Variants in LCMT1 observed in about 807,000 individuals in gnomAD.
LCMT1 encodes leucine carboxyl methyltransferase 1, also known as [Phosphatase 2A protein]-leucine-carboxy methyltransferase 1.
Under a neutral mutation model 47.7 loss-of-function variants are expected in LCMT1, and 32 were observed. That is an observed-to-expected ratio of 0.67 (90% CI 0.51 to 0.90). LCMT1 has a LOEUF of 0.90. Among genes scored for constraint, LCMT1 ranks in the 40% least tolerant of loss-of-function variants. The probability of loss-of-function intolerance (pLI) is 0.00; values close to 1 mark genes in which losing one functional copy is unlikely to be tolerated. For missense variants in LCMT1, 375 were observed against 415.2 expected (o/e 0.90, Z 0.84); for synonymous variants, 152 against 149.7 (o/e 1.02, Z -0.11).
chr16:25,124,420 T>A (rs1258065575), intron 1 of LCMT1, among the ~76,000 whole-genome samples: 2 of 152,236 alleles, frequency 1.3e-5, no homozygotes, highest in Non-Finnish European at 2.9e-5. Flanking sequence ...TTCAGTTCTC[T>A]ATGTTTATAG....
chr16:25,168,701 A>T (rs1330207433), intron 7 of LCMT1, among the ~76,000 whole-genome samples: 1 of 152,126 alleles, frequency 6.6e-6, no homozygotes, highest in Non-Finnish European at 1.5e-5. Flanking sequence ...AGGTCATTTC[A>T]TGTCTATATC....
chr16:25,176,633 C>T (rs1259005070), intron 10 of LCMT1, among the ~76,000 whole-genome samples: 1 of 117,726 alleles, frequency 8.5e-6, no homozygotes, highest in East Asian at 2.8e-4. Flanking sequence ...ATGATCTCGT[C>T]TCACTGCAAC....
intron 6 of LCMT1, among the ~76,000 whole-genome samples, chr16:25,162,195 A>G (rs1961451940): frequency 6.6e-6 from 1 of 152,212 alleles, no homozygotes. Flanking sequence ...CTGGGAACCG[A>G]GTCCAGCTGC....
intron 1 of LCMT1, among the ~76,000 whole-genome samples, chr16:25,120,162 A>G (rs920874760): frequency 6.6e-6 from 1 of 151,560 alleles, no homozygotes; most frequent in African/African-American, 2.4e-5. Flanking sequence ...TCTGTCTGAA[A>G]AAAATATTTA....
chr16:25,132,459 CAG>C lies in LCMT1; in HGVS notation c.265_266del (p.Glu89MetfsTer22). On this transcript the variant is annotated frameshift_variant, in exon 3 of 11. Transcript: ENST00000399069. LOFTEE classifies it high-confidence loss of function. ...CTTATAAAGGCATTTCTACGGAAGA[CAG>C]AATGTCATTGTCAAATTGTCAACCT... 9 of 1,613,824 alleles carry C rather than the reference CAG, an allele frequency of 5.6e-6. No individual in the cohort carries two copies. The highest frequency in any genetic ancestry group is 5.9e-6 in the Non-Finnish European group (7 of 1,179,794).
At chr16:25,163,469 A>C (rs1961493453) in intron 6 of LCMT1, among the ~76,000 whole-genome samples, 1 of 36,648 alleles carries the variant, frequency 2.7e-5, no homozygotes, top group Admixed American at 2.8e-4. Context: ...CTCTGTCTCA[A>C]AAAAAAAAAA....
intron 3 of LCMT1, among the ~76,000 whole-genome samples, chr16:25,138,323 T>C (rs756814655): frequency 2.0e-5 from 3 of 152,030 alleles, no homozygotes; most frequent in Non-Finnish European, 4.4e-5. Context: ...GCTGGGACAG[T>C]CTGGGCTGGA....
At chr16:25,129,476 A>G (rs1418027835) in intron 2 of LCMT1, among the ~76,000 whole-genome samples, 1 of 152,200 alleles carries the variant, frequency 6.6e-6, no homozygotes, top group Non-Finnish European at 1.5e-5. Flanking sequence ...GACGTTGAGG[A>G]TCATTTTCAT....
chr16:25,169,163 C>A lies in LCMT1; in HGVS notation c.742C>A (p.Arg248Ser), dbSNP rs376104801. The A allele has an allele frequency of 1.9e-6, 3 of 1,613,542 alleles. No homozygotes were observed. Among genetic ancestry groups the A allele is most frequent in the Admixed American group, 1.7e-5 (1 of 60,018 alleles). The change falls in exon 8 of 11, where the codon CGC becomes AGC. Residue 248 changes from arginine to serine, a missense_variant. Physicochemically the swap from Arg to Ser is moderately radical, Grantham distance 110 (BLOSUM62 -1). Transcript: ENST00000399069. The stretch of plus-strand genomic sequence containing the variant: ...GATCATGATTGAAAACCTGCGGAGA[C>A]GCCAGTGTGACCTGGCGGGAGTGGA... Reference protein sequence around the residue: ...GQIMIENLRRRQCDLAGVETC... With the variant: ...GQIMIENLRRSQCDLAGVETC...
intron 7 of LCMT1, among the ~76,000 whole-genome samples, chr16:25,167,974 C>G (rs58245257): frequency 0.014 from 2,111 of 151,170 alleles, 47 homozygotes; most frequent in African/African-American, 0.049. Flanking sequence ...CCAGGCTGGT[C>G]TCAAACTCCT....
rs1170607746 is a variant in LCMT1, at chr16:25,164,628, G to A, written c.600G>A (p.Val200=). 1 of 1,613,926 alleles carries A rather than the reference G, an allele frequency of 6.2e-7. No individual in the cohort carries two copies. The highest frequency in any genetic ancestry group is 1.1e-5 in the South Asian group (1 of 91,074). The change falls in exon 7 of 11, where the codon GTG becomes GTA. Residue 200 remains valine, a synonymous_variant. Coordinates refer to ENST00000399069, the MANE Select transcript of LCMT1 (RefSeq NM_016309.3). ...QLPTLLIAEC[V]LVYMTPEQSA... ...CAACACTCCTGATAGCTGAATGTGT[G>A]CTGGTTTACATGACTCCAGAGCAGT...
chr16:25,112,927 G>A (rs762965579), intron 1 of LCMT1, among the ~76,000 whole-genome samples: 1 of 152,024 alleles, frequency 6.6e-6, no homozygotes, highest in Non-Finnish European at 1.5e-5. Context: ...CAGATCACGA[G>A]GTCAGGAGTT....
At chr16:25,151,931 A>AT (rs1311546489) in intron 5 of LCMT1, among the ~76,000 whole-genome samples, 1 of 90,800 alleles carries the variant, frequency 1.1e-5, no homozygotes, top group African/African-American at 3.7e-5. Flanking sequence ...GTGAACATAC[A>AT]TATTTAATAA....
chr16:25,127,101 C>T (rs1427366735), intron 1 of LCMT1, among the ~76,000 whole-genome samples: 2 of 152,186 alleles, frequency 1.3e-5, no homozygotes, highest in Non-Finnish European at 2.9e-5. Flanking sequence ...CGGTGACTCA[C>T]GCCTGTAATC....
chr16:25,126,767 A>C (rs1402598074), intron 1 of LCMT1, among the ~76,000 whole-genome samples: 2 of 152,230 alleles, frequency 1.3e-5, no homozygotes, highest in South Asian at 2.1e-4. Flanking sequence ...GCTGCTTAGC[A>C]GCGGGGCGAG....
At chr16:25,128,965 TA>T (rs1960273483) in intron 2 of LCMT1, among the ~76,000 whole-genome samples, 1 of 140,806 alleles carries the variant, frequency 7.1e-6, no homozygotes, top group Non-Finnish European at 1.5e-5. Flanking sequence ...ATGCAGGGCT[TA>T]AAAATCTAAA....
intron 7 of LCMT1, 89 bp from the exon 8 acceptor site, chr16:25,169,023 C>T (rs1284906132): frequency 7.4e-6 from 7 of 943,694 alleles, no homozygotes; most frequent in African/African-American, 4.8e-5. Flanking sequence ...GCGTCAGCCT[C>T]GGCTGCTTAA....
intron 9 of LCMT1, 72 bp from the exon 10 acceptor site, chr16:25,174,865 C>T: frequency 1.5e-6 from 1 of 675,784 alleles, no homozygotes; most frequent in Admixed American, 3.7e-5. Flanking sequence ...TTTTTCATAT[C>T]CGTAGCTATG....
intron 2 of LCMT1, among the ~76,000 whole-genome samples, chr16:25,130,040 C>A (rs991829678): frequency 6.6e-6 from 1 of 152,040 alleles, no homozygotes; most frequent in African/African-American, 2.4e-5. Context: ...GAGATTTGGC[C>A]CTTAAGATTC....
Sources: allele counts gnomAD v4.1 joint callset (sites outside exome capture counted in the v4.1 genomes callset), GRCh38; gene constraint gnomAD v4.1.1; transcripts MANE v1.5; gene names NCBI Gene and HGNC (gene_info 2026-07-23, HGNC 2026-07-21).